Variants in TMEM63A observed in about 807,000 individuals in gnomAD.
The protein encoded by TMEM63A is mechanosensitive cation channel TMEM63A.
In TMEM63A, 76 loss-of-function variants were observed where a neutral mutation model predicts 100.6. The ratio of observed to expected loss-of-function variants is 0.76; its 90% confidence interval spans 0.63 to 0.91. The LOEUF (loss-of-function observed/expected upper bound fraction) is 0.91. TMEM63A is among the 40% of genes least tolerant of loss of function. TMEM63A has a pLI of 0.00. For missense variants in TMEM63A, 876 were observed against 1,008.8 expected (o/e 0.87, Z 1.78); for synonymous variants, 401 against 401.1 (o/e 1.00, Z 0.00).
chr1:225,869,234 A>G (rs1333240644), intron 6 of TMEM63A, among the ~76,000 whole-genome samples: 1 of 152,242 alleles, frequency 6.6e-6, no homozygotes, highest in Non-Finnish European at 1.5e-5. Flanking sequence ...GGCTCAAGAG[A>G]TAATAAGCAT....
chr1:225,858,948 ATGTGTGTGTGTGTGTGTGTGTGTGTG>A (rs57543496), intron 15 of TMEM63A, among the ~76,000 whole-genome samples: 10 of 139,754 alleles, frequency 7.2e-5, no homozygotes, highest in East Asian at 2.1e-4. Context: ...TATACATATA[ATGTGTGTGTGTGTGTGTGTGTGTGTG>A]TGTGTGTGTG....
In TMEM63A at chr1:225,853,120, G is replaced by T. The variant is rs951659277; in HGVS notation, c.1798-351C>A. Among the ~76,000 whole-genome samples, 1 of 152,162 alleles carries T rather than the reference G, an allele frequency of 6.6e-6. No individual in the cohort carries two copies. ...GCTTAGTTCATGCCTCTGTGAAATC[G>T]GGATACTAGCAGTGCCCAGCTCATA... On this transcript the variant is annotated intron_variant, in intron 19 of 24. Transcript: ENST00000366835. The surrounding 1 kb of genome is among the most constrained non-coding windows in gnomAD (Gnocchi z 4.0).
Position 225,853,490 on chromosome 1 carries a change from T to C in TMEM63A, c.1797+139A>G. ...CCTGGACCCGGGTTTGAGAAGCACT[T>C]AGCCCAGTGCCTGCACTAGTGGGTA... On this transcript the variant is annotated intron_variant, in intron 19 of 24. Transcript: ENST00000366835. The surrounding 1 kb of genome is among the most constrained non-coding windows in gnomAD (Gnocchi z 4.0). 1.1e-6 allele frequency: 1 copy of C among 895,738 alleles called. No homozygotes were observed. 55.5% of individuals were successfully genotyped at this position (895,738 alleles called of 1,614,324 possible).
downstream of TMEM63A, among the ~76,000 whole-genome samples, chr1:225,843,189 G>A (rs1016085955): frequency 4.1e-5 from 6 of 147,498 alleles, no homozygotes; most frequent in Non-Finnish European, 7.4e-5. Context: ...GCAAAGGACT[G>A]TGAGAGTCCA....
rs1049110168 is a variant in TMEM63A at position 225,867,448 on chromosome 1, T to C, written c.515-285A>G. On this transcript the variant is annotated intron_variant, in intron 7 of 24. Coordinates refer to ENST00000366835, the MANE Select transcript of TMEM63A (RefSeq NM_014698.3). The surrounding 1 kb of genome is among the most constrained non-coding windows in gnomAD (Gnocchi z 4.6). Reference sequence around the variant, plus strand: ...ATCCTATGTTGTTACAAAACCAACGTTGGGAACCACTGGGTATCCTAAGTG... The same window carrying C: ...ATCCTATGTTGTTACAAAACCAACGCTGGGAACCACTGGGTATCCTAAGTG... 4.6e-5 allele frequency among the ~76,000 whole-genome samples: 7 copies of C among 152,230 alleles called. No homozygotes were observed. Among genetic ancestry groups the C allele is most frequent in the African/African-American group, 1.4e-4 (6 of 41,466 alleles).
chr1:225,847,275 C>A, intron 23 of TMEM63A, 62 bp from the exon 24 acceptor site: 1 of 1,560,374 alleles, frequency 6.4e-7, no homozygotes, highest in Non-Finnish European at 8.7e-7. Context: ...TGCATCCCTC[C>A]CCTCCTGCCC....
In TMEM63A at chr1:225,859,111, C is replaced by G. The variant is rs554026412; in HGVS notation, c.1377+85G>C. 100 of 1,585,610 alleles carry G rather than the reference C, an allele frequency of 6.3e-5. 1 individual carries two copies. In the African/African-American group the frequency reaches 1.1e-3, roughly 17 times the overall value. Reference sequence around the variant, plus strand: ...CTGGTTTAGTTCCCCGCACACACCCCACTCCTGTCCCCACTCCTTCCCCAC... The same window carrying G: ...CTGGTTTAGTTCCCCGCACACACCCGACTCCTGTCCCCACTCCTTCCCCAC... On this transcript the variant is annotated intron_variant, in intron 15 of 24. Coordinates refer to ENST00000366835, the MANE Select transcript of TMEM63A (RefSeq NM_014698.3).
At position 225,853,666 on chromosome 1, in the gene TMEM63A, A is replaced by G; in HGVS notation, c.1760T>C (p.Met587Thr). ...GLILYTFRMI[M>T]AKTAADRRNV... is the part of the protein sequence containing the mutation. Reference sequence around the variant, plus strand: ...CCTGCGGTCAGCAGCCGTCTTGGCCATGATCATGCGGAAGGTATAGAGGAT... The same window carrying G: ...CCTGCGGTCAGCAGCCGTCTTGGCCGTGATCATGCGGAAGGTATAGAGGAT... Residue 587 changes from methionine (M) to threonine (T), a missense_variant, in exon 19 of 25, where the codon ATG becomes ACG. Coordinates refer to ENST00000366835, the MANE Select transcript of TMEM63A (RefSeq NM_014698.3). The surrounding 1 kb of genome is among the most constrained non-coding windows in gnomAD (Gnocchi z 4.0). The G allele has an allele frequency of 6.3e-7, 1 of 1,578,556 alleles. No homozygotes were observed. Among genetic ancestry groups the G allele is most frequent in the East Asian group, 2.3e-5 (1 of 43,476 alleles).
At chr1:225,875,454 C>G (rs988330670) in intron 3 of TMEM63A, among the ~76,000 whole-genome samples, 4 of 152,226 alleles carry the variant, frequency 2.6e-5, no homozygotes, top group Non-Finnish European at 5.9e-5. Context: ...CCTGCCTGCT[C>G]TGATCAGAAA....
chr1:225,874,429 C>A (rs376823954), intron 3 of TMEM63A, 62 bp from the exon 4 acceptor site: 7 of 1,476,270 alleles, frequency 4.7e-6, no homozygotes, highest in Admixed American at 1.8e-5. Context: ...GAAGACACAG[C>A]GGTCTCAGGG....
chr1:225,867,133 G>T lies in TMEM63A; in HGVS notation c.545C>A (p.Thr182Lys). The change falls in exon 8 of 25, where the codon ACA becomes AAA. Residue 182 changes from threonine (T) to lysine (K), a missense_variant. By Grantham distance (78) the Thr-to-Lys change is moderately conservative (BLOSUM62 -1). This residue lies in a region of TMEM63A where 487 missense variants were observed against 581.9 expected (regional missense o/e 0.84). Transcript: ENST00000366835. This position sits in a 1 kb window ranked among gnomAD's most constrained non-coding sequence, Gnocchi z 4.6. ...TCACTCAGTCTGTAGGTTTGCTATT[G>T]TTGTCCTCCCAAAACTATACGGGTC... ...DKDPYSFGRT[T>K]IANLQTDNDL... 1 of 1,614,112 alleles carries T rather than the reference G, an allele frequency of 6.2e-7. No individual in the cohort carries two copies. The highest frequency in any genetic ancestry group is 8.5e-7 in the Non-Finnish European group (1 of 1,180,002).
At position 225,867,187 on chromosome 1, in the gene TMEM63A, G is replaced by C; in HGVS notation, c.515-24C>G. ...GTCTGCAGAGAAGCACAGATACTTAGTTCCAGGGTCATGTGGGGAAGCAGG... is the reference window on the plus strand; with the variant it reads ...GTCTGCAGAGAAGCACAGATACTTACTTCCAGGGTCATGTGGGGAAGCAGG... On this transcript the variant is annotated intron_variant, in intron 7 of 24. Transcript: ENST00000366835. This position sits in a 1 kb window ranked among gnomAD's most constrained non-coding sequence, Gnocchi z 4.6. 1 of 1,613,866 alleles carries C rather than the reference G, an allele frequency of 6.2e-7. No homozygotes were observed. The highest frequency in any genetic ancestry group is 8.5e-7 in the Non-Finnish European group (1 of 1,179,762).
chr1:225,877,745 G>A (rs892873406), intron 2 of TMEM63A, 151 bp from the exon 3 acceptor site: 21 of 660,138 alleles, frequency 3.2e-5, no homozygotes, highest in Non-Finnish European at 4.0e-5. Flanking sequence ...GCCAGACATT[G>A]GACCTCTGCG....
chr1:225,849,118 T>G, intron 21 of TMEM63A, 106 bp from the exon 22 acceptor site: 1 of 836,650 alleles, frequency 1.2e-6, no homozygotes, highest in Non-Finnish European at 1.9e-6. Context: ...TGCCCGTGAC[T>G]TCTCCCTCAG....
chr1:225,860,938 T>G lies in TMEM63A; in HGVS notation c.1145A>C (p.Gln382Pro), dbSNP rs1404109742. The G allele has an allele frequency of 6.2e-7, 1 of 1,613,206 alleles. No individual in the cohort carries two copies. Among genetic ancestry groups the G allele is most frequent in the Non-Finnish European group, 8.5e-7 (1 of 1,179,636 alleles). ...CQSLQCKGEP[Q>P]PSSHSRELYT... ...GAGCTCCCTGCTATGGGAGGACGGC[T>G]GGGGCTCACCTTTGCACTGAAGGCT... The change falls in exon 14 of 25, where the codon CAG becomes CCG. Residue 382 changes from glutamine (Q) to proline (P), a missense_variant. This residue lies in a region of TMEM63A where 487 missense variants were observed against 581.9 expected (regional missense o/e 0.84). Coordinates refer to ENST00000366835, the MANE Select transcript of TMEM63A (RefSeq NM_014698.3).
At chr1:225,844,399 G>A (rs528590534), downstream of TMEM63A, 278 of 1,587,688 alleles carry the variant, frequency 1.8e-4, no homozygotes, top group South Asian at 1.4e-3. Context: ...GAGGGAAGCC[G>A]CATGGGCAGG....
intron 20 of TMEM63A, among the ~76,000 whole-genome samples, chr1:225,851,351 T>C (rs1032120660): frequency 2.0e-5 from 3 of 152,194 alleles, no homozygotes; most frequent in Non-Finnish European, 4.4e-5. Context: ...TTTTCTATTA[T>C]GCCAGGTTCT....
rs781045959 is a variant in TMEM63A, at chr1:225,877,422, G to A, written c.159C>T (p.Val53=). The A allele has an allele frequency of 5.6e-6, 9 of 1,614,168 alleles. No individual in the cohort carries two copies. In the South Asian group the frequency reaches 9.9e-5, roughly 18 times the overall value. Residue 53 remains valine (V), a synonymous_variant, in exon 3 of 25, where the codon GTC becomes GTT. Transcript: ENST00000366835. ...QGVTFGGIPT[V]LLIDVSCFLF... ...GGAAGCAGCTGACGTCTATGAGCAG[G>A]ACAGTGGGGATGCCACCAAAGGTGA...
chr1:225,873,444 C>A (rs547956474), intron 4 of TMEM63A, among the ~76,000 whole-genome samples: 1 of 152,224 alleles, frequency 6.6e-6, no homozygotes, highest in African/African-American at 2.4e-5. Flanking sequence ...AGGAGGCGCC[C>A]GAGAGTGGAG....
Sources: allele counts gnomAD v4.1 joint callset (sites outside exome capture counted in the v4.1 genomes callset), GRCh38; gene constraint gnomAD v4.1.1; regional missense constraint gnomAD v4.1.1; non-coding constraint Gnocchi (gnomAD v3.1); transcripts MANE v1.5; gene names NCBI Gene and HGNC (gene_info 2026-07-23, HGNC 2026-07-21).